The following ITM2B variants were observed in gnomAD, a reference collection of about 807,000 sequenced individuals.
ITM2B encodes the protein ABri/ADan amyloid peptide.
A neutral mutation model predicts 27.8 loss-of-function variants in ITM2B; 11 were observed. The observed-to-expected ratio is 0.40, with a 90% confidence interval of 0.25 to 0.66. The LOEUF (loss-of-function observed/expected upper bound fraction) is 0.66. Among genes scored for constraint, ITM2B ranks in the 30% least tolerant of loss-of-function variants. ITM2B has a pLI of 0.43. For synonymous variants in ITM2B, 114 were observed against 114.3 expected, an observed-to-expected ratio of 1.00 and a Z score of 0.02; for missense variants, 296 against 328.9, an observed-to-expected ratio of 0.90 and a Z score of 0.77.
intron 1 of ITM2B, among the ~76,000 whole-genome samples, chr13:48,241,542 C>G (rs1463772589): frequency 6.6e-6 from 1 of 152,130 alleles, no homozygotes; most frequent in African/African-American, 2.4e-5. Flanking sequence ...CCCTATTTCT[C>G]TAAATCAGTG....
intron 1 of ITM2B, among the ~76,000 whole-genome samples, chr13:48,243,963 G>A (rs184549990): frequency 6.5e-4 from 99 of 152,266 alleles, no homozygotes; most frequent in African/African-American, 2.3e-3. Context: ...TAAGCTGTTT[G>A]AGTCAGTTTC....
At position 48,266,394 on chromosome 13, in the gene ITM2B, A is replaced by C. The variant is rs1951853598; in HGVS notation, c.*5170A>C. 1 of 152,248 alleles carries C rather than the reference A, an allele frequency of 6.6e-6. No homozygotes were observed. The highest frequency in any genetic ancestry group is 2.4e-5 in the African/African-American group (1 of 41,450). The allele number at this position is 152,248 out of a possible 1,614,324, so 9.4% of individuals were successfully genotyped here. On this transcript the variant is annotated 3_prime_UTR_variant, in exon 6 of 6. Coordinates refer to ENST00000647800, the MANE Select transcript of ITM2B (RefSeq NM_021999.5). Reference sequence around the variant, plus strand: ...CAGATCTCAGACTAAAAGTTTCCTCAGAGATGCCACCATAGCTCTCTATTT... The same window carrying C: ...CAGATCTCAGACTAAAAGTTTCCTCCGAGATGCCACCATAGCTCTCTATTT...
At chr13:48,240,060 C>T (rs1033315063) in intron 1 of ITM2B, among the ~76,000 whole-genome samples, 2 of 152,204 alleles carry the variant, frequency 1.3e-5, no homozygotes, top group African/African-American at 4.8e-5. Flanking sequence ...GTCTCTATCA[C>T]TTACTTTGAT....
chr13:48,242,114 TCTC>T (rs767307538), intron 1 of ITM2B, among the ~76,000 whole-genome samples: 1 of 151,864 alleles, frequency 6.6e-6, no homozygotes, highest in Non-Finnish European at 1.5e-5. Context: ...CATGATCTCT[TCTC>T]CTGTTCTAGC....
rs890105648 is a variant in ITM2B, at chr13:48,265,985, C to T, written c.*4761C>T. 2.6e-5 allele frequency: 4 copies of T among 152,192 alleles called. No individual in the cohort carries two copies. The highest frequency in any genetic ancestry group is 9.6e-5 in the African/African-American group (4 of 41,454). The allele number at this position is 152,192 out of a possible 1,614,324, so 9.4% of individuals were successfully genotyped here. A position where few individuals can be genotyped will look rare whatever the true frequency, so the allele number is the denominator to read the frequency against. Reference sequence around the variant, plus strand: ...CTCAATACGTTAGTAGGGCACCTGACACATAGTTGCAGCTCTTATTTATTG... The same window carrying T: ...CTCAATACGTTAGTAGGGCACCTGATACATAGTTGCAGCTCTTATTTATTG... On this transcript the variant is annotated 3_prime_UTR_variant, in exon 6 of 6. Coordinates refer to ENST00000647800, the MANE Select transcript of ITM2B (RefSeq NM_021999.5).
At chr13:48,240,496 G>A (rs961526633) in intron 1 of ITM2B, among the ~76,000 whole-genome samples, 1 of 151,956 alleles carries the variant, frequency 6.6e-6, no homozygotes, top group African/African-American at 2.4e-5. Flanking sequence ...TTCTTGTTTT[G>A]GAATATTACT....
rs1951847983 is a variant in ITM2B, at chr13:48,265,580, G to A, written c.*4356G>A. ...CTTTCCTGGCTTCCCCTGGTTCTTA[G>A]GATAAAGACCAAAATACTTAATGCT... On this transcript the variant is annotated 3_prime_UTR_variant, in exon 6 of 6. Coordinates refer to ENST00000647800, the MANE Select transcript of ITM2B (RefSeq NM_021999.5). The A allele has an allele frequency of 6.6e-6, 1 of 152,322 alleles. No individual in the cohort carries two copies. The highest frequency in any genetic ancestry group is 1.5e-5 in the Non-Finnish European group (1 of 68,114). The allele number at this position is 152,322 out of a possible 1,614,324, so 9.4% of individuals were successfully genotyped here. A position where few individuals can be genotyped will look rare whatever the true frequency, so the allele number is the denominator to read the frequency against.
At chr13:48,246,410 A>C (rs1448570082) in intron 1 of ITM2B, among the ~76,000 whole-genome samples, 2 of 152,240 alleles carry the variant, frequency 1.3e-5, no homozygotes, top group African/African-American at 4.8e-5. Context: ...AAATTCAGAT[A>C]CTGATTTAAG....
intron 1 of ITM2B, among the ~76,000 whole-genome samples, chr13:48,235,128 C>T (rs1413446874): frequency 6.6e-6 from 1 of 152,184 alleles, no homozygotes; most frequent in Non-Finnish European, 1.5e-5. Context: ...CAGCTTTTCT[C>T]TGTTCCGCTG....
chr13:48,257,449 C>G (rs1227325913), intron 3 of ITM2B, among the ~76,000 whole-genome samples: 3 of 152,104 alleles, frequency 2.0e-5, no homozygotes, highest in Non-Finnish European at 4.4e-5. Flanking sequence ...TTTGAACACT[C>G]GAATATATTA....
At chr13:48,240,674 A>G (rs1362686830) in intron 1 of ITM2B, among the ~76,000 whole-genome samples, 7 of 152,208 alleles carry the variant, frequency 4.6e-5, no homozygotes, top group African/African-American at 1.2e-4. Flanking sequence ...TATTCATTAC[A>G]TAATAGGTGT....
intron 1 of ITM2B, among the ~76,000 whole-genome samples, chr13:48,247,526 A>T (rs1436580713): frequency 1.2e-4 from 18 of 152,196 alleles, no homozygotes; most frequent in Admixed American, 1.2e-3. Flanking sequence ...GTTCAAATAG[A>T]GGTGCCTAAG....
intron 1 of ITM2B, among the ~76,000 whole-genome samples, chr13:48,242,037 T>C (rs1304466527): frequency 2.0e-5 from 3 of 152,212 alleles, no homozygotes; most frequent in African/African-American, 7.2e-5. Flanking sequence ...TTTTAGATAA[T>C]ACCTATTGAT....
intron 1 of ITM2B, among the ~76,000 whole-genome samples, chr13:48,238,165 T>G (rs956123829): frequency 2.0e-5 from 3 of 151,662 alleles, no homozygotes; most frequent in Non-Finnish European, 2.9e-5. Context: ...AATTGGAAAT[T>G]ATAACACTAA....
intron 1 of ITM2B, among the ~76,000 whole-genome samples, chr13:48,238,242 T>C (rs558237232): frequency 6.1e-4 from 93 of 151,918 alleles, no homozygotes; most frequent in African/African-American, 2.1e-3. Context: ...TTACAACACA[T>C]ATTTTTAATA....
chr13:48,241,973 A>G (rs931442251), intron 1 of ITM2B, among the ~76,000 whole-genome samples: 1 of 152,104 alleles, frequency 6.6e-6, no homozygotes, highest in Non-Finnish European at 1.5e-5. Context: ...TATTCTAAAT[A>G]TTTGCTTATA....
At chr13:48,253,301 A>T (rs994473914) in intron 1 of ITM2B, among the ~76,000 whole-genome samples, 7 of 151,744 alleles carry the variant, frequency 4.6e-5, no homozygotes, top group African/African-American at 1.7e-4. Context: ...TTTTCCTGTA[A>T]TTTTTTCTTG....
rs936581736 is a variant in ITM2B, at chr13:48,266,678, A to G, written c.*5454A>G. 6.6e-6 allele frequency: 1 copy of G among 152,158 alleles called. No homozygotes were observed. Among genetic ancestry groups the G allele is most frequent in the African/African-American group, 2.4e-5 (1 of 41,434 alleles). The allele number at this position is 152,158 out of a possible 1,614,324, so 9.4% of individuals were successfully genotyped here. A position where few individuals can be genotyped will look rare whatever the true frequency, so the allele number is the denominator to read the frequency against. ...TTAATGTTTGTTGAATGAATGAGCT[A>G]CATTTCATGGATTAACTCCATGAAA... On this transcript the variant is annotated 3_prime_UTR_variant, in exon 6 of 6. Coordinates refer to ENST00000647800, the MANE Select transcript of ITM2B (RefSeq NM_021999.5).
chr13:48,263,521 C>G lies in ITM2B; in HGVS notation c.*2297C>G, dbSNP rs376113571. 116 of 152,274 alleles carry G rather than the reference C, an allele frequency of 7.6e-4. 1 individual carries two copies. The South Asian group carries it at 0.024, about 31-fold the overall frequency. The allele number at this position is 152,274 out of a possible 1,614,324, so 9.4% of individuals were successfully genotyped here. A position where few individuals can be genotyped will look rare whatever the true frequency, so the allele number is the denominator to read the frequency against. ...AGAATCAGACATGCAGAGAGGACTGCCAGGTCTCCCAGTGGGTTCCAGGGA... is the reference window on the plus strand; with the variant it reads ...AGAATCAGACATGCAGAGAGGACTGGCAGGTCTCCCAGTGGGTTCCAGGGA... On this transcript the variant is annotated 3_prime_UTR_variant, in exon 6 of 6. Transcript: ENST00000647800.
Sources: allele counts gnomAD v4.1 joint callset (sites outside exome capture counted in the v4.1 genomes callset), GRCh38; gene constraint gnomAD v4.1.1; transcripts MANE v1.5; gene names NCBI Gene and HGNC (gene_info 2026-07-23, HGNC 2026-07-21).